PPFIA2: variants seen among roughly 807,000 people sequenced by gnomAD.
PPFIA2 encodes the protein PPFI scaffold protein A2.
PPFIA2 carries 46 observed loss-of-function variants against 175.5 expected under a neutral mutation model. The ratio of observed to expected loss-of-function variants is 0.26; its 90% confidence interval spans 0.21 to 0.34. The LOEUF (loss-of-function observed/expected upper bound fraction) is 0.34. Ranked by LOEUF, PPFIA2 falls within the 10% of genes least tolerant of loss-of-function variation. The pLI, the probability that PPFIA2 is intolerant of heterozygous loss-of-function variation, is 1.00. For missense variants in PPFIA2, 1,179 were observed against 1,506.1 expected, an observed-to-expected ratio of 0.78 and a Z score of 3.60; for synonymous variants, 568 against 511.4, an observed-to-expected ratio of 1.11 and a Z score of -1.49.
chr12:81,642,581 TATA>T (rs1286791649), intron 4 of PPFIA2, among the ~76,000 whole-genome samples: 138 of 139,922 alleles, frequency 9.9e-4, no homozygotes, highest in African/African-American at 3.6e-3. Flanking sequence ...ATTATAAAAG[TATA>T]ATAATATATG....
chr12:81,608,321 G>A lies in PPFIA2; in HGVS notation c.303+68470C>T, dbSNP rs143574615. On this transcript the variant is annotated intron_variant, in intron 4 of 32. Transcript: ENST00000549396. ...ATTCTGGCTTCATAGAATGAGTTAG[G>A]GAGGAGTCCCTCCACTTCAATTTTT... Among the ~76,000 whole-genome samples, 11 of 152,154 alleles carry A rather than the reference G, an allele frequency of 7.2e-5. No homozygotes were observed. In the East Asian group the frequency reaches 1.9e-3, roughly 27 times the overall value.
At chr12:81,486,196 C>T (rs1206904703) in intron 4 of PPFIA2, among the ~76,000 whole-genome samples, 1 of 151,752 alleles carries the variant, frequency 6.6e-6, no homozygotes, top group Non-Finnish European at 1.5e-5. Flanking sequence ...GGTGTTGCTA[C>T]CATGATGATC....
At chr12:81,469,402 A>G (rs2056331755) in intron 4 of PPFIA2, among the ~76,000 whole-genome samples, 1 of 152,228 alleles carries the variant, frequency 6.6e-6, no homozygotes, top group African/African-American at 2.4e-5. Context: ...ATTACAATGA[A>G]ATGTGATAAA....
intron 16 of PPFIA2, among the ~76,000 whole-genome samples, chr12:81,355,176 A>G (rs933374555): frequency 1.3e-5 from 2 of 152,200 alleles, no homozygotes; most frequent in African/African-American, 4.8e-5. Flanking sequence ...CAGGCACGAA[A>G]AAAACAATCT....
At chr12:81,626,984 T>C (rs930855094) in intron 4 of PPFIA2, among the ~76,000 whole-genome samples, 2 of 152,112 alleles carry the variant, frequency 1.3e-5, no homozygotes, top group Non-Finnish European at 2.9e-5. Flanking sequence ...GCCTCAGGTC[T>C]CATTTGATGT....
intron 3 of PPFIA2, among the ~76,000 whole-genome samples, chr12:81,695,976 C>T (rs113585442): frequency 0.037 from 5,604 of 152,162 alleles, 133 homozygotes; most frequent in Middle Eastern, 0.068. Flanking sequence ...AGCAAAAAGG[C>T]TAATTTAATA....
At chr12:81,685,623 G>A (rs528048117) in intron 3 of PPFIA2, among the ~76,000 whole-genome samples, 93 of 152,050 alleles carry the variant, frequency 6.1e-4, no homozygotes, top group African/African-American at 2.2e-3. Flanking sequence ...GTCATGACAT[G>A]CTCTCTGACT....
At chr12:81,367,196 A>G in intron 13 of PPFIA2, 26 bp from the exon 14 acceptor site, 1 of 1,278,370 alleles carries the variant, frequency 7.8e-7, no homozygotes, top group Non-Finnish European at 1.0e-6. Context: ...TAGCAGAAAT[A>G]ATTAATAAAT....
chr12:81,583,765 A>C (rs772866332), intron 4 of PPFIA2, among the ~76,000 whole-genome samples: 1 of 151,874 alleles, frequency 6.6e-6, no homozygotes, highest in Non-Finnish European at 1.5e-5. Flanking sequence ...TAGGGTCCAC[A>C]GTATGTTTTA....
chr12:81,498,587 G>T (rs1594043709), intron 4 of PPFIA2, among the ~76,000 whole-genome samples: 1 of 152,146 alleles, frequency 6.6e-6, no homozygotes, highest in Non-Finnish European at 1.5e-5. Flanking sequence ...ATACAGCCAT[G>T]GGGATTTTAT....
intron 7 of PPFIA2, among the ~76,000 whole-genome samples, chr12:81,433,536 ACT>A (rs1306286052): frequency 6.6e-6 from 1 of 151,962 alleles, no homozygotes; most frequent in African/African-American, 2.4e-5. Context: ...CCTTTCAGAG[ACT>A]CTCAAAATTT....
At chr12:81,595,007 T>A (rs2059088719) in intron 4 of PPFIA2, among the ~76,000 whole-genome samples, 1 of 151,982 alleles carries the variant, frequency 6.6e-6, no homozygotes, top group Non-Finnish European at 1.5e-5. Flanking sequence ...GCAGATATGG[T>A]TTGAAAACAG....
intron 30 of PPFIA2, among the ~76,000 whole-genome samples, chr12:81,264,511 T>C (rs1049937597): frequency 2.0e-5 from 3 of 152,160 alleles, no homozygotes; most frequent in African/African-American, 7.2e-5. Flanking sequence ...ATATGTTGTG[T>C]ATCCTAATAT....
chr12:81,698,763 T>TACAC (rs67686939), intron 3 of PPFIA2, among the ~76,000 whole-genome samples: 29 of 132,008 alleles, frequency 2.2e-4, no homozygotes, highest in African/African-American at 3.8e-4. Context: ...TAGTCCTTTA[T>TACAC]ACACACACAC....
At chr12:81,460,303 T>C (rs553683231) in intron 4 of PPFIA2, among the ~76,000 whole-genome samples, 39 of 152,258 alleles carry the variant, frequency 2.6e-4, no homozygotes, top group African/African-American at 9.1e-4. Flanking sequence ...TCATTCTCTC[T>C]TGCTGCCATC....
rs185158723 is a variant in PPFIA2, at chr12:81,641,158, T to C, written c.303+35633A>G. On this transcript the variant is annotated intron_variant, in intron 4 of 32. Coordinates refer to ENST00000549396, the MANE Select transcript of PPFIA2 (RefSeq NM_003625.5). The stretch of plus-strand genomic sequence containing the variant: ...CTATTTTGAAATATATAACAGGTGT[T>C]AAATATAGTCTGGAATGGGTTTTAA... 5.2e-3 allele frequency among the ~76,000 whole-genome samples: 789 copies of C among 152,292 alleles called. 3 individuals are homozygous for C. The highest frequency in any genetic ancestry group is 0.01 in the Admixed American group (154 of 15,296).
At chr12:81,499,851 T>G (rs529695911) in intron 4 of PPFIA2, among the ~76,000 whole-genome samples, 1 of 152,216 alleles carries the variant, frequency 6.6e-6, no homozygotes, top group South Asian at 2.1e-4. Flanking sequence ...AAAGAAATTG[T>G]TTTTCATATG....
At chr12:81,342,962 A>G (rs923789455) in intron 19 of PPFIA2, among the ~76,000 whole-genome samples, 1 of 151,090 alleles carries the variant, frequency 6.6e-6, no homozygotes, top group African/African-American at 2.4e-5. Context: ...AATAATAATA[A>G]TAATAATAAT....
At chr12:81,516,524 T>C (rs571136072) in intron 4 of PPFIA2, among the ~76,000 whole-genome samples, 1 of 152,130 alleles carries the variant, frequency 6.6e-6, no homozygotes, top group African/African-American at 2.4e-5. Flanking sequence ...TTTGGTTGGG[T>C]CCTAACCCAA....
Sources: allele counts gnomAD v4.1 joint callset (sites outside exome capture counted in the v4.1 genomes callset), GRCh38; gene constraint gnomAD v4.1.1; transcripts MANE v1.5; gene names NCBI Gene and HGNC (gene_info 2026-07-23, HGNC 2026-07-21).